The following LSG1 variants were observed in gnomAD, a reference collection of about 807,000 sequenced individuals.
LSG1 encodes the protein large 60S subunit nuclear export GTPase 1.
Under a neutral mutation model 82.6 loss-of-function variants are expected in LSG1, and 55 were observed. The ratio of observed to expected loss-of-function variants is 0.67; its 90% CI spans 0.54 to 0.83. The LOEUF is 0.83. Ranked by LOEUF, LSG1 falls within the 40% of genes least tolerant of loss-of-function variation. The probability of loss-of-function intolerance (pLI) is 0.00; values close to 1 mark genes in which losing one functional copy is unlikely to be tolerated. For missense variants in LSG1, 809 were observed against 807.9 expected, an observed-to-expected ratio of 1.00 and a Z score of -0.02; for synonymous variants, 272 against 282.5, an observed-to-expected ratio of 0.96 and a Z score of 0.37.
rs972108163 is a variant in LSG1 at position 194,646,193 on chromosome 3, C to T, written c.1594G>A (p.Ala532Thr). Reference protein sequence around the residue: ...AHGQPDQPRSARYILKDYVSG... With the variant: ...AHGQPDQPRSTRYILKDYVSG... ...ACATAGTCCTTCAGGATGTAGCGCGCAGATCGAGGCTGGTCTGGCTGTCCA... is the reference window on the plus strand; with the variant it reads ...ACATAGTCCTTCAGGATGTAGCGCGTAGATCGAGGCTGGTCTGGCTGTCCA... The change falls in exon 12 of 14, where the codon GCG becomes ACG. Residue 532 changes from alanine (A) to threonine (T), a missense_variant. Transcript: ENST00000265245. 1.1e-5 allele frequency: 17 copies of T among 1,613,960 alleles called. No homozygotes were observed. The highest frequency in any genetic ancestry group is 1.2e-5 in the Non-Finnish European group (14 of 1,179,964).
intron 5 of LSG1, chr3:194,661,002 T>G (rs1267504127): frequency 4.7e-6 from 2 of 422,248 alleles, no homozygotes; most frequent in Non-Finnish European, 4.8e-6. Flanking sequence ...AAGCTACAGA[T>G]GCATGACTAC....
At chr3:194,666,942 C>A (rs1719042083) in intron 2 of LSG1, among the ~76,000 whole-genome samples, 1 of 152,130 alleles carries the variant, frequency 6.6e-6, no homozygotes, top group East Asian at 1.9e-4. Context: ...GCTCTGGAGT[C>A]TAGAGGATAG....
intron 7 of LSG1, among the ~76,000 whole-genome samples, chr3:194,653,929 A>G (rs1221916422): frequency 2.6e-5 from 4 of 152,186 alleles, no homozygotes; most frequent in African/African-American, 9.6e-5. Flanking sequence ...CAAAGACAGC[A>G]AGGGGAAAAG....
At chr3:194,664,613 A>G (rs1175887342) in intron 5 of LSG1, among the ~76,000 whole-genome samples, 1 of 152,082 alleles carries the variant, frequency 6.6e-6, no homozygotes, top group Non-Finnish European at 1.5e-5. Flanking sequence ...TTCAGAGCCC[A>G]GTTAAAAAAA....
chr3:194,667,502 T>C (rs1473099623), intron 2 of LSG1, among the ~76,000 whole-genome samples: 1 of 152,200 alleles, frequency 6.6e-6, no homozygotes, highest in African/African-American at 2.4e-5. Flanking sequence ...CATAGTCAGC[T>C]ATCTCAGGAG....
At chr3:194,667,530 C>T (rs1411797995) in intron 2 of LSG1, among the ~76,000 whole-genome samples, 1 of 152,154 alleles carries the variant, frequency 6.6e-6, no homozygotes, top group Non-Finnish European at 1.5e-5. Context: ...CTTGCTCATT[C>T]CTTGATTTCC....
chr3:194,642,511 T>C (rs13061528), intron 13 of LSG1, among the ~76,000 whole-genome samples: 22,445 of 151,970 alleles, frequency 0.15, 2,416 homozygotes, highest in East Asian at 0.47. Flanking sequence ...CCAGCTGTGT[T>C]CTGGAAATTT....
intron 2 of LSG1, among the ~76,000 whole-genome samples, chr3:194,667,943 ATAT>A (rs535001609): frequency 0.012 from 741 of 62,132 alleles, 45 homozygotes; most frequent in East Asian, 0.035. Flanking sequence ...AAAAAAAAAA[ATAT>A]ATATATATAT....
rs756428541 is a variant in LSG1, at chr3:194,670,008, C to T, written c.226+1G>A. The T allele has an allele frequency of 2.1e-5, 34 of 1,613,446 alleles. No individual in the cohort carries two copies. Among genetic ancestry groups the T allele is most frequent in the Non-Finnish European group, 2.8e-5 (33 of 1,179,694 alleles). ...CCTGCACTCAGCAATAAACAACTTA[C>T]CAGCTACAAACTCTGTTCCTGCAAG... On this transcript the variant is annotated splice_donor_variant, in intron 2 of 13. Transcript: ENST00000265245. LOFTEE classifies it high-confidence loss of function.
At chr3:194,643,221 T>C (rs537371264) in intron 13 of LSG1, among the ~76,000 whole-genome samples, 8 of 152,368 alleles carry the variant, frequency 5.3e-5, no homozygotes, top group Admixed American at 2.6e-4. Context: ...ACTGAAGTTA[T>C]CAATATTTTA....
At chr3:194,667,942 A>AATATAT (rs763693435) in intron 2 of LSG1, among the ~76,000 whole-genome samples, 10 of 86,968 alleles carry the variant, frequency 1.1e-4, no homozygotes, top group African/African-American at 3.4e-4. Context: ...AAAAAAAAAA[A>AATATAT]ATATATATAT....
rs749590637 is a variant in LSG1, at chr3:194,642,103, T to C, written c.1942A>G (p.Lys648Glu). ...KKHGNRNKKE[K>E]SRRLYKHLDM The stretch of plus-strand genomic sequence containing the variant: ...AGGTGCTTGTAGAGTCTACGACTTT[T>C]TTCTTTTTTATTTCTGTTGCCATGT... Residue 648 changes from lysine (K) to glutamate (E), a missense_variant, in exon 14 of 14, where the codon AAA becomes GAA. Transcript: ENST00000265245. 1.9e-6 allele frequency: 3 copies of C among 1,613,370 alleles called. No homozygotes were observed. The highest frequency in any genetic ancestry group is 2.5e-6 in the Non-Finnish European group (3 of 1,180,034).
At chr3:194,671,570 T>C (rs969092531) in intron 1 of LSG1, among the ~76,000 whole-genome samples, 2 of 152,198 alleles carry the variant, frequency 1.3e-5, no homozygotes, top group African/African-American at 2.4e-5. Flanking sequence ...TAGTAAAATA[T>C]TAGGTCTTGT....
chr3:194,647,491 T>C (rs1718578052), intron 11 of LSG1, among the ~76,000 whole-genome samples: 2 of 152,220 alleles, frequency 1.3e-5, no homozygotes, highest in African/African-American at 4.8e-5. Context: ...TCTGGCAATA[T>C]CTTTGAAAAT....
chr3:194,662,976 T>C (rs1157847780), intron 5 of LSG1, among the ~76,000 whole-genome samples: 1 of 151,878 alleles, frequency 6.6e-6, no homozygotes, highest in Admixed American at 6.6e-5. Flanking sequence ...TAAACACCAC[T>C]AGACACCTGA....
At chr3:194,645,557 C>CAG (rs1718522285) in intron 12 of LSG1, among the ~76,000 whole-genome samples, 1 of 55,984 alleles carries the variant, frequency 1.8e-5, no homozygotes. Flanking sequence ...CACACACACA[C>CAG]ACACACACAC....
chr3:194,644,162 A>G (rs1054814597), intron 13 of LSG1, among the ~76,000 whole-genome samples: 7 of 152,062 alleles, frequency 4.6e-5, no homozygotes, highest in African/African-American at 1.7e-4. Context: ...GGAGATCGAG[A>G]CCATCCTGGC....
Position 194,670,070 on chromosome 3 carries a change from T to A in LSG1, c.165A>T (p.Glu55Asp). Residue 55 changes from glutamate (E) to aspartate (D), a missense_variant, in exon 2 of 14, where the codon GAA becomes GAT. By Grantham distance (45) the Glu-to-Asp change is conservative. Transcript: ENST00000265245. ...WGRLNLQSVT[E>D]QSSLDDFLAT... ...CAAGGAAGTCATCAAGGGAGCTCTG[T>A]TCAGTCACTGACTGAAGATTAAGAC... 6.2e-7 allele frequency: 1 copy of A among 1,614,180 alleles called. No homozygotes were observed. Among genetic ancestry groups the A allele is most frequent in the Non-Finnish European group, 8.5e-7 (1 of 1,180,004 alleles).
At chr3:194,653,839 A>G (rs1016672500) in intron 7 of LSG1, among the ~76,000 whole-genome samples, 1 of 152,200 alleles carries the variant, frequency 6.6e-6, no homozygotes, top group Non-Finnish European at 1.5e-5. Flanking sequence ...ATTCAAAACC[A>G]GTCTGGGCAA....
Sources: gnomAD v4.1 joint callset for allele counts (sites outside exome capture counted in the v4.1 genomes callset) on GRCh38, gnomAD v4.1.1 for gene constraint, MANE v1.5 for transcripts, NCBI Gene and HGNC (gene_info 2026-07-23, HGNC 2026-07-21) for gene names.